PCNX2: variants seen among roughly 807,000 people sequenced by gnomAD.
PCNX2 encodes the protein pecanex 2, also known as pecanex-like protein 2.
PCNX2 carries 168 observed loss-of-function variants against 223.8 expected under a neutral mutation model. The ratio of observed to expected loss-of-function variants is 0.75; its 90% confidence interval spans 0.66 to 0.85. PCNX2 has a LOEUF of 0.85. PCNX2 is among the 40% of genes least tolerant of loss of function. The pLI, the probability that PCNX2 is intolerant of heterozygous loss-of-function variation, is 0.00. For missense variants in PCNX2, 2,507 were observed against 2,675.5 expected (o/e 0.94, Z 1.39); for synonymous variants, 1,006 against 1,052.6 (o/e 0.96, Z 0.86).
intron 9 of PCNX2, among the ~76,000 whole-genome samples, chr1:233,232,514 T>G (rs1398631726): frequency 6.6e-6 from 1 of 152,224 alleles, no homozygotes; most frequent in Non-Finnish European, 1.5e-5. Context: ...TAAATGAACT[T>G]CTGAACATGA....
chr1:233,137,567 T>G (rs1676882338), intron 20 of PCNX2, among the ~76,000 whole-genome samples: 1 of 152,250 alleles, frequency 6.6e-6, no homozygotes, highest in Non-Finnish European at 1.5e-5. Flanking sequence ...CTATGGAACA[T>G]AATTCTTGTT....
At chr1:233,098,736 C>T (rs12068680) in intron 21 of PCNX2, among the ~76,000 whole-genome samples, 3,283 of 152,256 alleles carry the variant, frequency 0.022, 121 homozygotes, top group African/African-American at 0.074. Context: ...GAGTCAGATG[C>T]TAACACATGC....
In PCNX2 at chr1:233,236,384, T is replaced by A. The variant is rs571421803; in HGVS notation, c.2358+461A>T. Among the ~76,000 whole-genome samples the A allele has an allele frequency of 6.6e-5, 10 of 152,300 alleles. No homozygotes were observed. The South Asian group carries it at 2.1e-3, about 32-fold the overall frequency. On this transcript the variant is annotated intron_variant, in intron 9 of 33. Transcript: ENST00000258229. ...AAAATAATGAAAGGCTTCACATTTT[T>A]AGACCTCTTGATGATAATGTTACTT...
rs1160479385 is a variant in PCNX2, at chr1:233,139,370, G to C, written c.3659+344C>G. Among the ~76,000 whole-genome samples the C allele has an allele frequency of 6.6e-6, 1 of 152,136 alleles. No homozygotes were observed. Among genetic ancestry groups the C allele is most frequent in the Non-Finnish European group, 1.5e-5 (1 of 68,038 alleles). On this transcript the variant is annotated intron_variant, in intron 20 of 33. Coordinates refer to ENST00000258229, the MANE Select transcript of PCNX2 (RefSeq NM_014801.4). The surrounding 1 kb of genome is among the most constrained non-coding windows in gnomAD (Gnocchi z 4.4). ...GAAATGACATGAAGCAGTTCATAAA[G>C]CTCTAAGCATGATGTTAAGAACTCC...
chr1:232,994,515 G>A (rs1316573688), intron 32 of PCNX2, among the ~76,000 whole-genome samples: 2 of 152,326 alleles, frequency 1.3e-5, no homozygotes, highest in South Asian at 2.1e-4. Flanking sequence ...TGTCTCAGAT[G>A]AGACTTTGGA....
chr1:233,027,748 T>C (rs548871944), intron 25 of PCNX2, among the ~76,000 whole-genome samples: 1 of 152,316 alleles, frequency 6.6e-6, no homozygotes, highest in African/African-American at 2.4e-5. Context: ...CCTGCTTCTC[T>C]TTCTCTTCCC....
At chr1:233,072,896 A>G (rs1435153124) in intron 23 of PCNX2, among the ~76,000 whole-genome samples, 1 of 152,202 alleles carries the variant, frequency 6.6e-6, no homozygotes, top group Non-Finnish European at 1.5e-5. Context: ...GGCCCCACAG[A>G]ATGAGTTAGG....
chr1:233,282,779 T>G (rs943290599), intron 1 of PCNX2, among the ~76,000 whole-genome samples: 3 of 152,226 alleles, frequency 2.0e-5, no homozygotes. Flanking sequence ...GATAAAGTAA[T>G]TCAGCATATC....
intron 21 of PCNX2, among the ~76,000 whole-genome samples, chr1:233,127,765 T>C (rs1232716463): frequency 6.6e-6 from 1 of 152,230 alleles, no homozygotes; most frequent in African/African-American, 2.4e-5. Context: ...CATATGTTAT[T>C]ATGCACAAAG....
chr1:233,286,703 G>A (rs1403746569), intron 1 of PCNX2, among the ~76,000 whole-genome samples: 1 of 152,076 alleles, frequency 6.6e-6, no homozygotes, highest in East Asian at 1.9e-4. Context: ...GTCTCTGAGG[G>A]TGTGGAAAGG....
chr1:233,078,926 T>C (rs917620984), intron 23 of PCNX2, among the ~76,000 whole-genome samples: 7 of 151,822 alleles, frequency 4.6e-5, no homozygotes, highest in African/African-American at 1.7e-4. Context: ...CATGCAAGAG[T>C]TTCTTCATCC....
At chr1:233,020,247 C>T (rs540812616) in intron 26 of PCNX2, among the ~76,000 whole-genome samples, 8 of 152,160 alleles carry the variant, frequency 5.3e-5, no homozygotes, top group South Asian at 2.1e-4. Context: ...ATCACAGCAC[C>T]GACACTTCTC....
intron 24 of PCNX2, 31 bp downstream of exon 24, chr1:233,057,201 T>C (rs1038052971): frequency 6.6e-7 from 1 of 1,523,084 alleles, no homozygotes; most frequent in Non-Finnish European, 9.0e-7. Context: ...CAACAATAAA[T>C]AGTTGAAAAA....
intron 22 of PCNX2, among the ~76,000 whole-genome samples, chr1:233,093,021 A>C (rs113893077): frequency 0.05 from 7,645 of 152,128 alleles, 229 homozygotes; most frequent in African/African-American, 0.077. Flanking sequence ...GGATGGTCTC[A>C]ATCTCCTGAC....
intron 19 of PCNX2, among the ~76,000 whole-genome samples, chr1:233,141,503 T>G (rs1677107782): frequency 6.6e-6 from 1 of 152,082 alleles, no homozygotes; most frequent in Non-Finnish European, 1.5e-5. Context: ...CCGACTCTAC[T>G]AAAAATACAA....
chr1:233,318,150 G>C, the PCNX2 span, among the ~76,000 whole-genome samples: 38 of 152,154 alleles, frequency 2.5e-4, no homozygotes, highest in Non-Finnish European at 4.6e-4. Flanking sequence ...GCCTGATATG[G>C]GCAATCCTAT....
chr1:233,240,995 CCT>C lies in PCNX2; in HGVS notation c.2223-4017_2223-4016del, dbSNP rs375917966. Among the ~76,000 whole-genome samples the C allele has an allele frequency of 1.7e-4, 26 of 152,266 alleles. No homozygotes were observed. The East Asian group carries it at 4.2e-3, about 25-fold the overall frequency. On this transcript the variant is annotated intron_variant, in intron 8 of 33. Coordinates refer to ENST00000258229, the MANE Select transcript of PCNX2 (RefSeq NM_014801.4). ...CAGAGAGAGGGCCTCCCTTTTTCTG[CCT>C]CTTTCCTTGTTTTTCAGGCTTCCTC...
At chr1:233,040,628 C>T (rs1347247170) in intron 25 of PCNX2, among the ~76,000 whole-genome samples, 2 of 152,136 alleles carry the variant, frequency 1.3e-5, no homozygotes, top group Non-Finnish European at 2.9e-5. Context: ...CTCCTATGGC[C>T]TCTCTGGTCA....
At chr1:233,087,699 C>T (rs972559439) in intron 23 of PCNX2, among the ~76,000 whole-genome samples, 3 of 152,192 alleles carry the variant, frequency 2.0e-5, no homozygotes, top group Non-Finnish European at 4.4e-5. Context: ...GGCCAGAGGA[C>T]GCTGCGTTCT....
Sources: gnomAD v4.1 joint callset for allele counts (sites outside exome capture counted in the v4.1 genomes callset) on GRCh38, gnomAD v4.1.1 for gene constraint, Gnocchi (gnomAD v3.1) non-coding constraint, MANE v1.5 for transcripts, NCBI Gene and HGNC (gene_info 2026-07-23, HGNC 2026-07-21) for gene names.